Variants in NRXN3 observed in about 807,000 individuals in gnomAD.
The protein encoded by NRXN3 is neurexin 3.
Under a neutral mutation model 137.6 loss-of-function variants are expected in NRXN3, and 32 were observed. The ratio of observed to expected loss-of-function variants is 0.23; its 90% CI spans 0.18 to 0.31. NRXN3 has a LOEUF of 0.31. Ranked by LOEUF, NRXN3 falls within the 10% of genes least tolerant of loss-of-function variation. The probability of loss-of-function intolerance (pLI) is 1.00; values close to 1 mark genes in which losing one functional copy is unlikely to be tolerated. For synonymous variants in NRXN3, 798 were observed against 784.5 expected, an observed-to-expected ratio of 1.02 and a Z score of -0.29; for missense variants, 1,574 against 2,062.5, an observed-to-expected ratio of 0.76 and a Z score of 4.59.
chr14:78,475,928 A>G (rs2095370251), intron 4 of NRXN3, among the ~76,000 whole-genome samples: 2 of 151,696 alleles, frequency 1.3e-5, no homozygotes, highest in Admixed American at 1.3e-4. Flanking sequence ...GTAGACATAA[A>G]GCTTATATTT....
At chr14:79,818,139 C>T (rs916893212) in intron 20 of NRXN3, among the ~76,000 whole-genome samples, 15 of 150,062 alleles carry the variant, frequency 1.0e-4, no homozygotes, top group African/African-American at 2.0e-4. Context: ...CTGCAAGCTC[C>T]GCCTCCCGGG....
At position 79,376,230 on chromosome 14, in the gene NRXN3, A is replaced by G. The variant is rs890607206; in HGVS notation, c.3263-90991A>G. Among the ~76,000 whole-genome samples the G allele has an allele frequency of 1.1e-3, 77 of 67,296 alleles. 2 individuals are homozygous for G. The highest frequency in any genetic ancestry group is 1.7e-3 in the African/African-American group (31 of 18,664). 44.1% of individuals were successfully genotyped at this position (67,296 alleles called of 152,430 possible). Reference sequence around the variant, plus strand: ...TGTGTGTATGTATATATATATATATATATATATATATATATATATATATAT... The same window carrying G: ...TGTGTGTATGTATATATATATATATGTATATATATATATATATATATATAT... On this transcript the variant is annotated intron_variant, in intron 15 of 20. Coordinates refer to ENST00000335750, the MANE Select transcript of NRXN3 (RefSeq NM_001330195.2).
chr14:78,188,776 A>G (rs1750837203), intron 1 of NRXN3, among the ~76,000 whole-genome samples: 1 of 152,188 alleles, frequency 6.6e-6, no homozygotes, highest in African/African-American at 2.4e-5. Context: ...TGTCATTTAC[A>G]AAATAGGAAT....
intron 16 of NRXN3, among the ~76,000 whole-genome samples, chr14:79,547,861 A>G (rs2097335643): frequency 6.6e-6 from 1 of 152,166 alleles, no homozygotes; most frequent in African/African-American, 2.4e-5. Context: ...TTGAATTTGC[A>G]TGACCAGAAC....
intron 8 of NRXN3, among the ~76,000 whole-genome samples, chr14:78,762,394 T>A (rs2098695412): frequency 6.6e-6 from 1 of 152,206 alleles, no homozygotes; most frequent in African/African-American, 2.4e-5. Context: ...TAGACTTGAA[T>A]AGCAGCTCTT....
At chr14:79,013,093 T>C (rs550599204) in intron 15 of NRXN3, among the ~76,000 whole-genome samples, 2 of 152,308 alleles carry the variant, frequency 1.3e-5, no homozygotes, top group East Asian at 3.9e-4. Context: ...GATTTAGCTA[T>C]GGGACTTTTC....
At chr14:79,278,857 G>A (rs780861994) in intron 15 of NRXN3, among the ~76,000 whole-genome samples, 49 of 152,192 alleles carry the variant, frequency 3.2e-4, no homozygotes, top group Non-Finnish European at 4.9e-4. Flanking sequence ...GGAGACACAC[G>A]CGCCTGGAGA....
chr14:79,015,257 G>A (rs1345960889), intron 15 of NRXN3, among the ~76,000 whole-genome samples: 1 of 152,150 alleles, frequency 6.6e-6, no homozygotes, highest in South Asian at 2.1e-4. Flanking sequence ...TTGCGTAACT[G>A]AATGACCCTG....
At chr14:78,938,283 A>G (rs2099345900) in intron 10 of NRXN3, among the ~76,000 whole-genome samples, 1 of 152,212 alleles carries the variant, frequency 6.6e-6, no homozygotes, top group Admixed American at 6.5e-5. Flanking sequence ...CAGAAATTTG[A>G]AGCCATGTCT....
At chr14:79,358,266 A>G (rs569682961) in intron 15 of NRXN3, among the ~76,000 whole-genome samples, 1 of 152,286 alleles carries the variant, frequency 6.6e-6, no homozygotes, top group East Asian at 1.9e-4. Flanking sequence ...AAAGACTATC[A>G]AAAGAAAGTG....
chr14:79,049,016 C>A (rs2099637318), intron 15 of NRXN3, among the ~76,000 whole-genome samples: 2 of 82,738 alleles, frequency 2.4e-5, no homozygotes, highest in African/African-American at 1.1e-4. Flanking sequence ...GAGCGAAACT[C>A]CGTCTCAAAA....
chr14:79,742,285 A>G (rs1316108138), intron 19 of NRXN3, among the ~76,000 whole-genome samples: 1 of 152,198 alleles, frequency 6.6e-6, no homozygotes, highest in East Asian at 1.9e-4. Context: ...GGAGTTTTGC[A>G]TGATAATGTA....
intron 2 of NRXN3, among the ~76,000 whole-genome samples, chr14:78,253,942 C>T (rs2153464911): frequency 6.6e-6 from 1 of 152,226 alleles, no homozygotes; most frequent in South Asian, 2.1e-4. Context: ...CTCATTGGTC[C>T]TCATTCTATT....
chr14:79,287,329 C>T (rs2082430896), intron 15 of NRXN3, among the ~76,000 whole-genome samples: 2 of 152,148 alleles, frequency 1.3e-5, no homozygotes. Flanking sequence ...TGGACCAACA[C>T]ATTATAGCAA....
chr14:78,942,532 G>A (rs2099355120), intron 10 of NRXN3, among the ~76,000 whole-genome samples: 1 of 152,078 alleles, frequency 6.6e-6, no homozygotes, highest in Non-Finnish European at 1.5e-5. Context: ...TCATAATGGG[G>A]GAGTAGTACC....
intron 15 of NRXN3, among the ~76,000 whole-genome samples, chr14:79,364,679 A>G (rs572282287): frequency 6.6e-6 from 1 of 152,356 alleles, no homozygotes; most frequent in South Asian, 2.1e-4. Flanking sequence ...GAAACAAAAT[A>G]AATGCAAAGA....
intron 15 of NRXN3, among the ~76,000 whole-genome samples, chr14:79,442,145 G>A (rs1487735267): frequency 6.6e-6 from 1 of 152,142 alleles, no homozygotes; most frequent in Non-Finnish European, 1.5e-5. Flanking sequence ...ACAAGGAGAA[G>A]ACAGCAAAAT....
At chr14:79,601,432 A>C (rs1001360885) in intron 16 of NRXN3, among the ~76,000 whole-genome samples, 1 of 152,132 alleles carries the variant, frequency 6.6e-6, no homozygotes, top group Non-Finnish European at 1.5e-5. Context: ...CTGTAATCCT[A>C]CCTGACAAAT....
chr14:78,847,865 G>T (rs1454100558), intron 10 of NRXN3, among the ~76,000 whole-genome samples: 1 of 152,034 alleles, frequency 6.6e-6, no homozygotes, highest in Non-Finnish European at 1.5e-5. Context: ...CTTTTTCAAA[G>T]AAAGAAAGGT....
Sources: gnomAD v4.1 joint callset for allele counts (sites outside exome capture counted in the v4.1 genomes callset) on GRCh38, gnomAD v4.1.1 for gene constraint, MANE v1.5 for transcripts, NCBI Gene and HGNC (gene_info 2026-07-23, HGNC 2026-07-21) for gene names.